The following CEP350 variants were observed in gnomAD, a reference collection of about 807,000 sequenced individuals.
CEP350 encodes the protein centrosome-associated protein 350.
CEP350 carries 126 observed loss-of-function variants against 331.8 expected under a neutral mutation model. The observed-to-expected ratio is 0.38, with a 90% CI of 0.33 to 0.44. CEP350 has a LOEUF of 0.44. CEP350 is among the 20% of genes least tolerant of loss of function. The probability of loss-of-function intolerance (pLI) is 1.00; values close to 1 mark genes in which losing one functional copy is unlikely to be tolerated. For missense variants in CEP350, 3,406 were observed against 3,634.6 expected (o/e 0.94, Z 1.62); for synonymous variants, 1,200 against 1,259.5 (o/e 0.95, Z 1.00).
At chr1:180,102,459 T>C (rs924988760) in intron 37 of CEP350, among the ~76,000 whole-genome samples, 2 of 152,210 alleles carry the variant, frequency 1.3e-5, no homozygotes, top group East Asian at 1.9e-4. Flanking sequence ...TTAACAAGAC[T>C]ATAACAAGGG....
intron 3 of CEP350, among the ~76,000 whole-genome samples, chr1:179,989,728 C>T (rs544849899): frequency 7.0e-4 from 107 of 152,104 alleles, no homozygotes; most frequent in Non-Finnish European, 1.4e-3. Context: ...TTCTATCTTG[C>T]GAATTTTGTC....
intron 6 of CEP350, among the ~76,000 whole-genome samples, chr1:180,001,089 C>G (rs1221137299): frequency 1.3e-5 from 2 of 152,070 alleles, no homozygotes; most frequent in African/African-American, 4.8e-5. Context: ...CCAGCCTATT[C>G]TTTACATTGA....
intron 17 of CEP350, among the ~76,000 whole-genome samples, chr1:180,039,769 T>C (rs1482814715): frequency 6.6e-6 from 1 of 151,752 alleles, no homozygotes; most frequent in Admixed American, 6.6e-5. Context: ...CGTGTAACTT[T>C]TAGAATCAGT....
Position 180,092,614 on chromosome 1 carries a change from A to G in CEP350, c.6509A>G (p.Asp2170Gly), listed in dbSNP as rs1283387619. The G allele has an allele frequency of 1.3e-6, 2 of 1,509,722 alleles. No homozygotes were observed. Among genetic ancestry groups the G allele is most frequent in the Non-Finnish European group, 1.8e-6 (2 of 1,126,850 alleles). 93.5% of individuals were successfully genotyped at this position (1,509,722 alleles called of 1,614,324 possible). Reference protein sequence around the residue: ...GSLESIAEHVDASLSGSERSV... With the variant: ...GSLESIAEHVGASLSGSERSV... ...TGTGGTGATTTGTTTTTTCTTTAAG[A>G]TGCTTCACTGTCTGGTTCTGAGAGA... Residue 2170 changes from aspartate (D) to glycine (G), a missense_variant and splice_region_variant, in exon 34 of 38, where the codon GAT (aspartate) becomes GGT (glycine). Around this residue, in one of 5 missense-constraint regions of CEP350, gnomAD observed 1,415 missense variants for 1,512.3 expected, o/e 0.94. Transcript: ENST00000367607.
rs1012617336 is a variant in CEP350, at chr1:180,112,119, T to C, written c.*958T>C. On this transcript the variant is annotated 3_prime_UTR_variant, in exon 38 of 38. Transcript: ENST00000367607. Reference sequence around the variant, plus strand: ...TGTGTGCACCAAAGACAAAAAGATATTGTCTATTGTTTGTGTGCTTGTTTT... The same window carrying C: ...TGTGTGCACCAAAGACAAAAAGATACTGTCTATTGTTTGTGTGCTTGTTTT... 1.3e-5 allele frequency: 2 copies of C among 152,676 alleles called. No homozygotes were observed. The highest frequency in any genetic ancestry group is 2.4e-5 in the African/African-American group (1 of 41,468). 9.5% of individuals were successfully genotyped at this position (152,676 alleles called of 1,614,324 possible).
intron 1 of CEP350, among the ~76,000 whole-genome samples, chr1:179,973,328 T>C (rs138366562): frequency 1.4e-4 from 21 of 152,338 alleles, no homozygotes; most frequent in Admixed American, 3.3e-4. Flanking sequence ...ATAGACCTAG[T>C]AGTCAATCTT....
intron 7 of CEP350, among the ~76,000 whole-genome samples, chr1:180,004,036 C>T (rs1368532248): frequency 1.3e-5 from 2 of 152,114 alleles, no homozygotes; most frequent in African/African-American, 4.8e-5. Context: ...ACACTCTATT[C>T]AGAAATTTTT....
intron 37 of CEP350, among the ~76,000 whole-genome samples, chr1:180,105,038 A>AT: frequency 6.6e-6 from 1 of 151,922 alleles, no homozygotes; most frequent in South Asian, 2.1e-4. Flanking sequence ...TAATATGTCC[A>AT]TTTTTACACT....
At chr1:179,993,571 T>C (rs1432481147) in intron 5 of CEP350, among the ~76,000 whole-genome samples, 1 of 152,044 alleles carries the variant, frequency 6.6e-6, no homozygotes, top group Non-Finnish European at 1.5e-5. Context: ...AGGCGCTAGC[T>C]ACCATGACCG....
intron 15 of CEP350, among the ~76,000 whole-genome samples, chr1:180,032,169 A>G (rs1449546274): frequency 2.6e-5 from 4 of 152,106 alleles, no homozygotes; most frequent in Admixed American, 2.6e-4. Flanking sequence ...CTAGCTATAC[A>G]GTTCCTACTC....
chr1:180,114,610 A>G lies in CEP350; in HGVS notation c.*3449A>G, dbSNP rs1481743696. 1 of 152,654 alleles carries G rather than the reference A, an allele frequency of 6.6e-6. No individual in the cohort carries two copies. The highest frequency in any genetic ancestry group is 1.5e-5 in the Non-Finnish European group (1 of 68,046). The allele number at this position is 152,654 out of a possible 1,614,324, so 9.5% of individuals were successfully genotyped here. A position where few individuals can be genotyped will look rare whatever the true frequency, so the allele number is the denominator to read the frequency against. On this transcript the variant is annotated 3_prime_UTR_variant, in exon 38 of 38. Transcript: ENST00000367607. Reference sequence around the variant, plus strand: ...TTGCAAAGCATTCTCTGGGAGGTTCAGCCTCCTTGTGTGTACTGTACTGTG... The same window carrying G: ...TTGCAAAGCATTCTCTGGGAGGTTCGGCCTCCTTGTGTGTACTGTACTGTG...
In CEP350 at chr1:180,003,156, G is replaced by A. The variant is rs944614608; in HGVS notation, c.1019-18G>A. 2 of 1,493,766 alleles carry A rather than the reference G, an allele frequency of 1.3e-6. No individual in the cohort carries two copies. The highest frequency in any genetic ancestry group is 3.7e-5 in the Admixed American group (2 of 54,022). The allele number at this position is 1,493,766 out of a possible 1,614,324, so 92.5% of individuals were successfully genotyped here. ...AGCAACTTTGATAAGAATATTCTGT[G>A]TTACTGGTATGTATTAGGTTTCAAC... On this transcript the variant is annotated intron_variant, in intron 6 of 37. Coordinates refer to ENST00000367607, the MANE Select transcript of CEP350 (RefSeq NM_014810.5).
chr1:180,106,883 A>C (rs1661177990), intron 37 of CEP350, among the ~76,000 whole-genome samples: 1 of 152,070 alleles, frequency 6.6e-6, no homozygotes, highest in African/African-American at 2.4e-5. Flanking sequence ...ACCTGTGCTC[A>C]ACCTGTGCTT....
chr1:180,042,669 G>A (rs1246103109), intron 19 of CEP350, among the ~76,000 whole-genome samples: 3 of 152,216 alleles, frequency 2.0e-5, no homozygotes, highest in Non-Finnish European at 2.9e-5. Flanking sequence ...AGCACTTGCA[G>A]TAGTGGTTAA....
intron 8 of CEP350, among the ~76,000 whole-genome samples, chr1:180,007,892 GACATAAACTGC>G (rs1188100101): frequency 7.0e-6 from 1 of 143,722 alleles, no homozygotes; most frequent in Admixed American, 7.1e-5. Context: ...AGGGGTAATT[GACATAAACTGC>G]ACATATTTAG....
intron 37 of CEP350, among the ~76,000 whole-genome samples, chr1:180,107,620 A>G (rs1166949221): frequency 1.3e-5 from 2 of 152,202 alleles, no homozygotes. Context: ...GTGAGCCGAG[A>G]TGGCGCCACT....
chr1:180,041,824 T>C lies in CEP350; in HGVS notation c.4362+22T>C, dbSNP rs751921009. ...TGAGGTAGGTGCCACTGAGAACACT[T>C]CTCTTTTTACTTCTTTTTAGTCAAT... On this transcript the variant is annotated intron_variant, in intron 19 of 37. Transcript: ENST00000367607. 4 of 1,599,778 alleles carry C rather than the reference T, an allele frequency of 2.5e-6. No homozygotes were observed. The Admixed American group carries it at 5.2e-5, about 21-fold the overall frequency.
chr1:180,064,169 G>T (rs1342352236), intron 26 of CEP350, among the ~76,000 whole-genome samples: 1 of 152,082 alleles, frequency 6.6e-6, no homozygotes, highest in Non-Finnish European at 1.5e-5. Flanking sequence ...GAAGTTCTCT[G>T]TGGTAAGGCC....
intron 25 of CEP350, among the ~76,000 whole-genome samples, chr1:180,055,524 T>A (rs1485877339): frequency 6.6e-6 from 1 of 151,848 alleles, no homozygotes; most frequent in Non-Finnish European, 1.5e-5. Context: ...TAATATGAAT[T>A]TGAATAAATT....
Sources: gnomAD v4.1 joint callset for allele counts (sites outside exome capture counted in the v4.1 genomes callset) on GRCh38, gnomAD v4.1.1 for gene constraint, gnomAD v4.1.1 regional missense constraint, MANE v1.5 for transcripts, NCBI Gene and HGNC (gene_info 2026-07-23, HGNC 2026-07-21) for gene names.